TIAM2: variants seen among roughly 807,000 people sequenced by gnomAD.
TIAM2 encodes TIAM Rac1 associated GEF 2.
TIAM2 carries 80 observed loss-of-function variants against 152.9 expected under a neutral mutation model. The ratio of observed to expected loss-of-function variants is 0.52; its 90% CI spans 0.44 to 0.63. The LOEUF (loss-of-function observed/expected upper bound fraction) is 0.63, where lower values mean the gene tolerates loss of function less well. Among genes scored for constraint, TIAM2 ranks in the 30% least tolerant of loss-of-function variants. The pLI, the probability that TIAM2 is intolerant of heterozygous loss-of-function variation, is 0.00. For missense variants in TIAM2, 1,965 were observed against 2,120.1 expected (o/e 0.93, Z 1.44); for synonymous variants, 804 against 838.0 (o/e 0.96, Z 0.70).
At chr6:155,024,401 T>G in intron 1 of TIAM2, among the ~76,000 whole-genome samples, 1 of 152,216 alleles carries the variant, frequency 6.6e-6, no homozygotes, top group Admixed American at 6.5e-5. Flanking sequence ...ACAAATTTCC[T>G]GGAAGAAATT....
rs138740409 is a variant in TIAM2 at position 155,129,446 on chromosome 6, G to A, written c.223G>A (p.Ala75Thr). The change falls in exon 4 of 27, where the codon GCA (alanine) becomes ACA (threonine). Residue 75 changes from alanine to threonine, a missense_variant. Transcript: ENST00000682666. This position sits in a 1 kb window ranked among gnomAD's most constrained non-coding sequence, Gnocchi z 4.8. ...LSHFKSNQPY[A>T]SRLGGPTCKV... ...TCACTTTAAGAGTAACCAGCCTTAC[G>A]CATCGAGACTCGGTGGCCCCACATG... 1.5e-4 allele frequency: 250 copies of A among 1,614,070 alleles called. 1 individual carries two copies. The African/African-American group carries it at 2.4e-3, about 15-fold the overall frequency.
chr6:155,206,355 C>G (rs1381831280), intron 14 of TIAM2, among the ~76,000 whole-genome samples: 1 of 152,202 alleles, frequency 6.6e-6, no homozygotes, highest in African/African-American at 2.4e-5. Context: ...TCAAGTGATT[C>G]TCCTGCCTCA....
intron 15 of TIAM2, among the ~76,000 whole-genome samples, chr6:155,229,783 A>G (rs932820832): frequency 6.6e-6 from 1 of 152,192 alleles, no homozygotes; most frequent in Non-Finnish European, 1.5e-5. Context: ...ATGGACTCAC[A>G]GTTCCACATG....
intron 16 of TIAM2, among the ~76,000 whole-genome samples, chr6:155,241,474 C>A (rs1427013758): frequency 1.3e-5 from 2 of 152,152 alleles, no homozygotes. Context: ...CCTTCAACTC[C>A]CTTATTTGGG....
chr6:155,071,197 T>C (rs566457306), intron 1 of TIAM2, among the ~76,000 whole-genome samples: 53 of 151,972 alleles, frequency 3.5e-4, no homozygotes, highest in African/African-American at 1.2e-3. Flanking sequence ...AAGACACATA[T>C]TTAGAGACAG....
At chr6:155,002,661 G>A (rs1251729524) in intron 1 of TIAM2, among the ~76,000 whole-genome samples, 1 of 112,620 alleles carries the variant, frequency 8.9e-6, no homozygotes, top group Non-Finnish European at 2.0e-5. Flanking sequence ...CACACAGGGA[G>A]TGCTTTGCTT....
At chr6:155,106,065 C>A (rs953714139) in intron 2 of TIAM2, among the ~76,000 whole-genome samples, 1 of 150,432 alleles carries the variant, frequency 6.6e-6, no homozygotes, top group South Asian at 2.1e-4. Flanking sequence ...AGTGCAGTGG[C>A]GTGATCTCGG....
At chr6:155,019,593 C>T (rs1373654819) in intron 1 of TIAM2, among the ~76,000 whole-genome samples, 1 of 152,174 alleles carries the variant, frequency 6.6e-6, no homozygotes, top group Admixed American at 6.5e-5. Flanking sequence ...TCCTTTTCTC[C>T]CCAAATACGG....
rs1447070905 is a variant in TIAM2 at position 155,059,321 on chromosome 6, T to TGTGTGTGTGC, written c.-208-30963_-208-30962insTGTGCGTGTG. On this transcript the variant is annotated intron_variant, in intron 1 of 26. Coordinates refer to ENST00000682666, the MANE Select transcript of TIAM2 (RefSeq NM_012454.4). ...GTGTGTGTGTGTGTGTGTGTGTGTG[T>TGTGTGTGTGC]GTGTGCGCGTGTATGTTTTTGAGAC... Among the ~76,000 whole-genome samples the TGTGTGTGTGC allele has an allele frequency of 2.6e-5, 3 of 117,444 alleles. No individual in the cohort carries two copies. The East Asian group carries it at 6.5e-4, about 25-fold the overall frequency. The allele number at this position is 117,444 out of a possible 152,430, so 77.0% of individuals were successfully genotyped here.
At chr6:155,032,184 CTG>C (rs201943144) in intron 1 of TIAM2, among the ~76,000 whole-genome samples, 4,826 of 152,238 alleles carry the variant, frequency 0.032, 247 homozygotes, top group African/African-American at 0.11. Context: ...CCCAATGTTC[CTG>C]TGTGTTTTCT....
intron 1 of TIAM2, among the ~76,000 whole-genome samples, chr6:155,035,777 C>T (rs73571654): frequency 0.051 from 7,816 of 152,168 alleles, 659 homozygotes; most frequent in African/African-American, 0.17. Context: ...TTAATACAAA[C>T]GATTACTCGG....
chr6:155,023,605 T>A (rs1468922146), intron 1 of TIAM2, among the ~76,000 whole-genome samples: 1 of 152,098 alleles, frequency 6.6e-6, no homozygotes, highest in East Asian at 1.9e-4. Flanking sequence ...GATGAGTTAT[T>A]TGCAGTTGGA....
chr6:155,137,201 G>T lies in TIAM2; in HGVS notation c.1219G>T (p.Asp407Tyr). The stretch of plus-strand genomic sequence containing the variant: ...GGAGCCGAGGTCCAAGGAGGGCAGT[G>T]ACTACTTTGACAGTCGCTCTGATGG... Reference protein sequence around the residue: ...LQEPRSKEGSDYFDSRSDGLN... With the variant: ...LQEPRSKEGSYYFDSRSDGLN... The change falls in exon 5 of 27, where the codon GAC (aspartate) becomes TAC (tyrosine). Residue 407 changes from aspartate (D) to tyrosine (Y), a missense_variant. This residue lies in a region of TIAM2 where 1,025 missense variants were observed against 1,119.4 expected (regional missense o/e 0.92). Coordinates refer to ENST00000682666, the MANE Select transcript of TIAM2 (RefSeq NM_012454.4). 6.2e-7 allele frequency: 1 copy of T among 1,613,556 alleles called. No individual in the cohort carries two copies. Among genetic ancestry groups the T allele is most frequent in the South Asian group, 1.1e-5 (1 of 91,072 alleles).
At chr6:155,163,214 CT>C (rs944351707) in intron 7 of TIAM2, among the ~76,000 whole-genome samples, 1 of 152,194 alleles carries the variant, frequency 6.6e-6, no homozygotes, top group African/African-American at 2.4e-5. Flanking sequence ...TAACCTAACT[CT>C]TCACACTGCA....
chr6:155,018,396 G>A (rs1200899757), intron 1 of TIAM2, among the ~76,000 whole-genome samples: 1 of 151,914 alleles, frequency 6.6e-6, no homozygotes, highest in Non-Finnish European at 1.5e-5. Flanking sequence ...TGGCCAGGTG[G>A]ATCACTTGAG....
At chr6:155,054,731 C>T (rs1444055549) in intron 1 of TIAM2, among the ~76,000 whole-genome samples, 1 of 151,938 alleles carries the variant, frequency 6.6e-6, no homozygotes, top group Admixed American at 6.6e-5. Context: ...TTAAAAACTA[C>T]AATAATAGAA....
At chr6:155,029,293 ACTATAT>A in intron 1 of TIAM2, among the ~76,000 whole-genome samples, 1 of 114,806 alleles carries the variant, frequency 8.7e-6, no homozygotes, top group African/African-American at 3.1e-5. Flanking sequence ...TGTTATATAT[ACTATAT>A]GTACTATGTG....
In TIAM2 at chr6:155,023,908, C is replaced by G. The variant is rs563177211; in HGVS notation, c.-209+28416C>G. 8.3e-4 allele frequency among the ~76,000 whole-genome samples: 126 copies of G among 152,210 alleles called. 2 individuals carry two copies. Among genetic ancestry groups the G allele is most frequent in the African/African-American group, 2.9e-3 (119 of 41,538 alleles). The stretch of plus-strand genomic sequence containing the variant: ...ATGAAGGGATTGGAGAGAGTATTTC[C>G]AAGACTCTGTTTTATCATCAGCAAC... On this transcript the variant is annotated intron_variant, in intron 1 of 26. Coordinates refer to ENST00000682666, the MANE Select transcript of TIAM2 (RefSeq NM_012454.4).
intron 1 of TIAM2, among the ~76,000 whole-genome samples, chr6:155,033,994 G>A (rs1324255611): frequency 6.6e-6 from 1 of 151,618 alleles, no homozygotes; most frequent in Non-Finnish European, 1.5e-5. Context: ...TGGGATTACA[G>A]GCGTGAGCCA....
Sources: gnomAD v4.1 joint callset for allele counts (sites outside exome capture counted in the v4.1 genomes callset) on GRCh38, gnomAD v4.1.1 for gene constraint, gnomAD v4.1.1 regional missense constraint, Gnocchi (gnomAD v3.1) non-coding constraint, MANE v1.5 for transcripts, NCBI Gene and HGNC (gene_info 2026-07-23, HGNC 2026-07-21) for gene names.